The following DNAH17 variants were observed in gnomAD, a reference collection of about 807,000 sequenced individuals.
The protein encoded by DNAH17 is axonemal beta dynein heavy chain 17.
In DNAH17, 376 loss-of-function variants were observed where a neutral mutation model predicts 485.6. The ratio of observed to expected loss-of-function variants is 0.77; its 90% CI spans 0.71 to 0.84. DNAH17 has a LOEUF of 0.84. DNAH17 is among the 40% of genes least tolerant of loss of function. The pLI is 0.00. For missense variants in DNAH17, 6,370 were observed against 5,839.3 expected, an observed-to-expected ratio of 1.09 and a Z score of -2.96; for synonymous variants, 3,031 against 2,405.9, an observed-to-expected ratio of 1.26 and a Z score of -7.60.
At chr17:78,565,267 A>G (rs964902291) in intron 11 of DNAH17, among the ~76,000 whole-genome samples, 5 of 152,240 alleles carry the variant, frequency 3.3e-5, no homozygotes, top group African/African-American at 7.2e-5. Flanking sequence ...TGCTTTAGCA[A>G]GTATAACTGA....
chr17:78,478,632 T>C (rs1198107109), intron 51 of DNAH17, among the ~76,000 whole-genome samples: 2 of 146,006 alleles, frequency 1.4e-5, no homozygotes, highest in Non-Finnish European at 3.0e-5. Context: ...ATTATTATAA[T>C]CATTATCACC....
rs1376829229 is a variant in DNAH17 at position 78,486,312 on chromosome 17, A to G, written c.7013T>C (p.Val2338Ala). The G allele has an allele frequency of 1.2e-6, 2 of 1,613,334 alleles. No homozygotes were observed. Among genetic ancestry groups the G allele is most frequent in the South Asian group, 1.1e-5 (1 of 91,068 alleles). The change falls in exon 45 of 81, where the codon GTG (valine) becomes GCG (alanine). Residue 2338 changes from valine (V) to alanine (A), a missense_variant. Val to Ala is a moderately conservative substitution (Grantham distance 64). Coordinates refer to ENST00000389840, the MANE Select transcript of DNAH17 (RefSeq NM_173628.4). ...CAGCTCCCTGGGGGAGTCGGGGGGCACGGTCTTCTCCGTGAGCAGGCACTC... is the reference window on the plus strand; with the variant it reads ...CAGCTCCCTGGGGGAGTCGGGGGGCGCGGTCTTCTCCGTGAGCAGGCACTC... ...LLECLLTEKTVPPDSPRELYE... is the reference protein window; with the variant it reads ...LLECLLTEKTAPPDSPRELYE...
rs561984257 is a variant in DNAH17 at position 78,468,117 on chromosome 17, T to A, written c.8778+500A>T. ...GGGGGTCCACATAGAGTCGGTTGTC[T>A]GTCCACATCTGTGGATTTAACCAAC... On this transcript the variant is annotated intron_variant, in intron 55 of 80. Transcript: ENST00000389840. 2.1e-3 allele frequency among the ~76,000 whole-genome samples: 313 copies of A among 151,656 alleles called. 1 individual carries two copies. The highest frequency in any genetic ancestry group is 7.4e-3 in the African/African-American group (306 of 41,374).
At chr17:78,558,399 AG>A (rs1418116392) in intron 13 of DNAH17, 145 bp from the exon 14 acceptor site, 27 of 1,016,480 alleles carry the variant, frequency 2.7e-5, no homozygotes, top group African/African-American at 4.9e-5. Flanking sequence ...ATTTGTTGGC[AG>A]GACCAGGACG....
chr17:78,553,283 GTTTTTTTTTTTTTTTTTTTT>G lies in DNAH17; in HGVS notation c.2179-498_2179-479del, dbSNP rs60587420. ...AAATTACCCAGTCCCAGGTTTTTGT[GTTTTTTTTTTTTTTTTTTTT>G]TTTTTTTTTTTTTTTTAAGATGGAG... On this transcript the variant is annotated intron_variant, in intron 14 of 80. Coordinates refer to ENST00000389840, the MANE Select transcript of DNAH17 (RefSeq NM_173628.4). Among the ~76,000 whole-genome samples, 3 of 51,018 alleles carry G rather than the reference GTTTTTTTTTTTTTTTTTTTT, an allele frequency of 5.9e-5. 1 individual carries two copies. The highest frequency in any genetic ancestry group is 1.8e-4 in the African/African-American group (2 of 11,072). The allele number at this position is 51,018 out of a possible 152,430, so 33.5% of individuals were successfully genotyped here. A position where few individuals can be genotyped will look rare whatever the true frequency, so the allele number is the denominator to read the frequency against.
intron 75 of DNAH17, among the ~76,000 whole-genome samples, chr17:78,432,910 C>A (rs867230120): frequency 3.2e-5 from 4 of 124,068 alleles, no homozygotes; most frequent in African/African-American, 9.7e-5. Flanking sequence ...GTGCCCCCCC[C>A]CCCCGACCCC....
At chr17:78,560,672 G>A (rs897450064) in intron 13 of DNAH17, 68 bp downstream of exon 13, 5 of 1,460,988 alleles carry the variant, frequency 3.4e-6, no homozygotes, top group Non-Finnish European at 4.6e-6. Flanking sequence ...CCGTGCTGAG[G>A]GAACCTTGGC....
intron 39 of DNAH17, 52 bp downstream of exon 39, chr17:78,494,907 C>T (rs1270227821): frequency 6.3e-7 from 1 of 1,586,010 alleles, no homozygotes; most frequent in Non-Finnish European, 8.6e-7. Context: ...TGGCTGCTGC[C>T]CGCATCTCAA....
At chr17:78,437,519 A>C (rs570402476) in intron 74 of DNAH17, 122 bp downstream of exon 74, 1 of 648,900 alleles carries the variant, frequency 1.5e-6, no homozygotes, top group Non-Finnish European at 2.6e-6. Flanking sequence ...TGGACAGGGG[A>C]AGCCCAGAGG....
chr17:78,442,084 GA>G (rs112049270), intron 71 of DNAH17, among the ~76,000 whole-genome samples: 3 of 149,356 alleles, frequency 2.0e-5, no homozygotes, highest in Non-Finnish European at 4.5e-5. Flanking sequence ...CTCCATCTCA[GA>G]AAAAAAAAAA....
At chr17:78,471,903 T>C (rs895288815) in intron 54 of DNAH17, among the ~76,000 whole-genome samples, 1 of 152,200 alleles carries the variant, frequency 6.6e-6, no homozygotes. Flanking sequence ...CGCTGTGCGA[T>C]GGCCGCCTCA....
intron 25 of DNAH17, among the ~76,000 whole-genome samples, chr17:78,519,567 A>G (rs1184904736): frequency 6.6e-6 from 1 of 152,242 alleles, no homozygotes; most frequent in Non-Finnish European, 1.5e-5. Flanking sequence ...AAGAGTGAAG[A>G]CATAAGTCAC....
rs750234228 is a variant in DNAH17 at position 78,460,236 on chromosome 17, C to A, written c.9361G>T (p.Ala3121Ser). 4.1e-5 allele frequency: 65 copies of A among 1,603,136 alleles called. No individual in the cohort carries two copies. Among genetic ancestry groups the A allele is most frequent in the African/African-American group, 5.3e-5 (4 of 74,804 alleles). ...GCTTTGGCCAGGTCTGTTTCACAGG[C>A]CTTTTGCTTCTCAGTGACGTTCTGG... ...INKNVTEKQKACETDLAKAEP... is the reference protein window; with the variant it reads ...INKNVTEKQKSCETDLAKAEP... Residue 3121 changes from alanine to serine, a missense_variant, in exon 59 of 81, where the codon GCC becomes TCC. Transcript: ENST00000389840.
In DNAH17 at chr17:78,449,422, T is replaced by A. The variant is rs1367987284; in HGVS notation, c.11203A>T (p.Thr3735Ser). The change falls in exon 69 of 81, where the codon ACG (threonine) becomes TCG (serine). Residue 3735 changes from threonine (T) to serine (S), a missense_variant. Coordinates refer to ENST00000389840, the MANE Select transcript of DNAH17 (RefSeq NM_173628.4). ...GTGAGGCTAGACATTACCTGAAACG[T>A]AACTTGTGCCAGGAAAATGAGTTTG... ...RDKLIFLAQV[T>S]FQVLSMKKEL... is the part of the protein sequence containing the mutation. 1.9e-6 allele frequency: 3 copies of A among 1,549,586 alleles called. No homozygotes were observed. Among genetic ancestry groups the A allele is most frequent in the Non-Finnish European group, 2.6e-6 (3 of 1,145,962 alleles).
chr17:78,527,639 A>G (rs951646328), intron 22 of DNAH17, among the ~76,000 whole-genome samples: 1 of 151,930 alleles, frequency 6.6e-6, no homozygotes, highest in African/African-American at 2.4e-5. Flanking sequence ...CTCCACCACA[A>G]TCCTGCCCCT....
In DNAH17 at chr17:78,485,665, G is replaced by A. The variant is rs369911329; in HGVS notation, c.7368C>T (p.Asn2456=). 1.1e-5 allele frequency: 18 copies of A among 1,613,876 alleles called. No individual in the cohort carries two copies. The African/African-American group carries it at 1.3e-4, about 12-fold the overall frequency. ...EKSWPVMLVG[N]AGTGKSVLMG... ...TCAGCACCGACTTGCCCGTCCCCGC[G>A]TTCCCCACCAGCATCACCGGCCAGG... The change falls in exon 47 of 81, where the codon AAC becomes AAT. Residue 2456 remains asparagine, a synonymous_variant. Coordinates refer to ENST00000389840, the MANE Select transcript of DNAH17 (RefSeq NM_173628.4).
chr17:78,497,479 A>G (rs1380729943), intron 37 of DNAH17, among the ~76,000 whole-genome samples: 1 of 152,158 alleles, frequency 6.6e-6, no homozygotes, highest in Non-Finnish European at 1.5e-5. Flanking sequence ...TGTGGTCTCC[A>G]TTGGAGCCCG....
chr17:78,529,526 C>T lies in DNAH17; in HGVS notation c.3453G>A (p.Glu1151=). ...NMFEPLKQTI[E]LLKTYGEEMP... ...TCTCCTCCCCGTAGGTCTTGAGCAG[C>T]TCGATGGTTTGCTTCAGGGGCTCAA... The change falls in exon 22 of 81, where the codon GAG becomes GAA. Residue 1151 remains glutamate (E), a synonymous_variant. Coordinates refer to ENST00000389840, the MANE Select transcript of DNAH17 (RefSeq NM_173628.4). 1 of 1,613,978 alleles carries T rather than the reference C, an allele frequency of 6.2e-7. No individual in the cohort carries two copies. Among genetic ancestry groups the T allele is most frequent in the African/African-American group, 1.3e-5 (1 of 75,032 alleles).
intron 47 of DNAH17, 27 bp from the exon 48 acceptor site, chr17:78,485,060 C>A (rs1396135518): frequency 6.4e-7 from 1 of 1,571,922 alleles, no homozygotes; most frequent in South Asian, 1.2e-5. Context: ...GTCAGCTGCC[C>A]GCCTGCGCCT....
Sources: allele counts gnomAD v4.1 joint callset (sites outside exome capture counted in the v4.1 genomes callset), GRCh38; gene constraint gnomAD v4.1.1; transcripts MANE v1.5; gene names NCBI Gene and HGNC (gene_info 2026-07-23, HGNC 2026-07-21).